The following C16orf74 variants were observed in gnomAD, a reference collection of about 807,000 sequenced individuals.
C16orf74 encodes uncharacterized protein C16orf74.
C16orf74 carries 10 observed loss-of-function variants against 6.5 expected under a neutral mutation model. That is an observed-to-expected ratio of 1.54 (90% CI 0.95 to 2.61). C16orf74 has a LOEUF of 2.61. Among genes scored for constraint, C16orf74 ranks in the 30% most tolerant of loss-of-function variants. C16orf74 has a pLI of 0.00. For synonymous variants in C16orf74, 60 were observed against 42.5 expected (o/e 1.41, Z -1.60); for missense variants, 141 against 105.9 (o/e 1.33, Z -1.45).
At chr16:85,734,539 C>T (rs561238423) in intron 2 of C16orf74, among the ~76,000 whole-genome samples, 8 of 152,306 alleles carry the variant, frequency 5.3e-5, no homozygotes, top group Admixed American at 4.6e-4. Context: ...TCTCAGGCAG[C>T]GGGGCCGCAA....
intron 2 of C16orf74, among the ~76,000 whole-genome samples, chr16:85,729,904 T>G (rs141441461): frequency 6.6e-6 from 1 of 152,166 alleles, no homozygotes; most frequent in African/African-American, 2.4e-5. Context: ...AGAATAAAAA[T>G]TGCTGTTTTA....
At chr16:85,727,415 C>T (rs79318029) in intron 2 of C16orf74, among the ~76,000 whole-genome samples, 1,540 of 152,326 alleles carry the variant, frequency 0.01, 11 homozygotes, top group Non-Finnish European at 0.017. Flanking sequence ...GAAACTGTCA[C>T]AGCCAAGAGC....
chr16:85,710,392 C>A, intron 2 of C16orf74, 85 bp from the exon 3 acceptor site: 1 of 1,348,554 alleles, frequency 7.4e-7, no homozygotes. Flanking sequence ...GCGGGCGCCA[C>A]CCTCCCTTCA....
At chr16:85,746,035 C>T (rs2054369751) in intron 1 of C16orf74, among the ~76,000 whole-genome samples, 1 of 152,188 alleles carries the variant, frequency 6.6e-6, no homozygotes, top group African/African-American at 2.4e-5. Flanking sequence ...AAAAACTATT[C>T]ATTGTTTATC....
chr16:85,718,986 G>T (rs2054052264), intron 2 of C16orf74, among the ~76,000 whole-genome samples: 1 of 152,222 alleles, frequency 6.6e-6, no homozygotes, highest in South Asian at 2.1e-4. Flanking sequence ...TGACTCTTGG[G>T]GCACAATTTT....
At chr16:85,724,207 G>A (rs1465856132) in intron 2 of C16orf74, among the ~76,000 whole-genome samples, 4 of 152,096 alleles carry the variant, frequency 2.6e-5, no homozygotes. Flanking sequence ...TGACTTCCGA[G>A]TCTTGAGCAA....
intron 2 of C16orf74, among the ~76,000 whole-genome samples, chr16:85,719,837 GCCACAGGCCACAGCACACACAAAGGCC>G: frequency 3.5e-5 from 5 of 144,250 alleles, no homozygotes; most frequent in African/African-American, 1.1e-4. Flanking sequence ...GAACATAGGG[GCCACAGGCCACAGCACACACAAAGGCC>G]CTGAGGCAGG....
rs371141757 is a variant in C16orf74, at chr16:85,735,218, G to A, written c.-1C>T. On this transcript the variant is annotated 5_prime_UTR_variant, in exon 2 of 4. Coordinates refer to ENST00000284245, the MANE Select transcript of C16orf74 (RefSeq NM_206967.3). ...TCAGGCAGGACATCTTAAGCCCCAT[G>A]TCGGCACCTCTGCAGGCCTGTGGAG... The A allele has an allele frequency of 3.8e-6, 6 of 1,598,648 alleles. No individual in the cohort carries two copies. The South Asian group carries it at 5.6e-5, about 15-fold the overall frequency.
At chr16:85,748,177 T>TAC (rs1491032347) in intron 1 of C16orf74, among the ~76,000 whole-genome samples, 2 of 66,872 alleles carry the variant, frequency 3.0e-5, no homozygotes, top group Non-Finnish European at 5.6e-5. Flanking sequence ...TATATATATA[T>TAC]ACACATACAT....
At chr16:85,714,100 C>G (rs1039338214) in intron 2 of C16orf74, among the ~76,000 whole-genome samples, 45 of 152,284 alleles carry the variant, frequency 3.0e-4, no homozygotes, top group African/African-American at 1.0e-3. Flanking sequence ...TTCTGTTAGT[C>G]TAACTCTTTG....
intron 1 of C16orf74, among the ~76,000 whole-genome samples, chr16:85,736,711 T>C (rs1365892754): frequency 6.6e-6 from 1 of 152,198 alleles, no homozygotes; most frequent in Non-Finnish European, 1.5e-5. Flanking sequence ...CTCCCAGCCA[T>C]GTGATCACGG....
At chr16:85,741,317 G>T (rs1288177743) in intron 1 of C16orf74, among the ~76,000 whole-genome samples, 1 of 152,212 alleles carries the variant, frequency 6.6e-6, no homozygotes, top group Non-Finnish European at 1.5e-5. Flanking sequence ...GAGGTGTCTG[G>T]AACTGACAGG....
intron 1 of C16orf74, among the ~76,000 whole-genome samples, chr16:85,740,587 G>C (rs560245745): frequency 5.9e-5 from 9 of 151,640 alleles, no homozygotes; most frequent in African/African-American, 1.9e-4. Context: ...AGCTACTAGA[G>C]ACGCTGAGGC....
At chr16:85,736,775 CGG>C (rs1387016098) in intron 1 of C16orf74, among the ~76,000 whole-genome samples, 1 of 152,164 alleles carries the variant, frequency 6.6e-6, no homozygotes, top group African/African-American at 2.4e-5. Flanking sequence ...ATGAGCTGGC[CGG>C]GCACAGTGGC....
intron 2 of C16orf74, among the ~76,000 whole-genome samples, chr16:85,730,892 C>T (rs575667930): frequency 2.0e-5 from 3 of 149,602 alleles, no homozygotes; most frequent in Admixed American, 6.8e-5. Context: ...ACTGAACCCC[C>T]CCAGATCAGC....
At chr16:85,731,515 G>A (rs1203106645) in intron 2 of C16orf74, among the ~76,000 whole-genome samples, 2 of 152,180 alleles carry the variant, frequency 1.3e-5, no homozygotes, top group Non-Finnish European at 2.9e-5. Context: ...GGGGCAGAGG[G>A]CCTGGGTCCT....
intron 2 of C16orf74, among the ~76,000 whole-genome samples, chr16:85,716,445 G>A (rs1346526128): frequency 7.0e-6 from 1 of 143,110 alleles, no homozygotes; most frequent in Non-Finnish European, 1.5e-5. Flanking sequence ...GAGGAGGAAG[G>A]GAAGGAAGAG....
rs536797887 is a variant in C16orf74 at position 85,737,907 on chromosome 16, G to A, written c.-18-2672C>T. Among the ~76,000 whole-genome samples, 37 of 151,150 alleles carry A rather than the reference G, an allele frequency of 2.4e-4. No individual in the cohort carries two copies. In the South Asian group the frequency reaches 3.1e-3, roughly 13 times the overall value. ...CCTGCAGCCCAGGGTGGCTTTGAAT[G>A]TGGCCTAACGCAAATTTGTAAATTT... On this transcript the variant is annotated intron_variant, in intron 1 of 3. Transcript: ENST00000284245.
intron 1 of C16orf74, among the ~76,000 whole-genome samples, chr16:85,745,201 C>G (rs2054360258): frequency 1.4e-5 from 2 of 146,684 alleles, no homozygotes; most frequent in African/African-American, 5.1e-5. Flanking sequence ...CGGATTCTCT[C>G]TGGTGACAAG....
Sources: gnomAD v4.1 joint callset for allele counts (sites outside exome capture counted in the v4.1 genomes callset) on GRCh38, gnomAD v4.1.1 for gene constraint, MANE v1.5 for transcripts, NCBI Gene and HGNC (gene_info 2026-07-23, HGNC 2026-07-21) for gene names.